EXOC2: variants seen among roughly 807,000 people sequenced by gnomAD.
The protein encoded by EXOC2 is SEC5-like 1.
In EXOC2, 70 loss-of-function variants were observed where a neutral mutation model predicts 131.8. The observed-to-expected ratio is 0.53, with a 90% CI of 0.44 to 0.65. The LOEUF (loss-of-function observed/expected upper bound fraction) is 0.65. Among genes scored for constraint, EXOC2 ranks in the 30% least tolerant of loss-of-function variants. The pLI, the probability that EXOC2 is intolerant of heterozygous loss-of-function variation, is 0.00. For synonymous variants in EXOC2, 411 were observed against 398.4 expected (o/e 1.03, Z -0.38); for missense variants, 923 against 1,108.6 (o/e 0.83, Z 2.38).
chr6:544,579 T>G (rs889590558), intron 22 of EXOC2, among the ~76,000 whole-genome samples: 11 of 152,114 alleles, frequency 7.2e-5, no homozygotes, highest in African/African-American at 2.7e-4. Flanking sequence ...ACAAGGAAAA[T>G]GAAACACATA....
intron 11 of EXOC2, among the ~76,000 whole-genome samples, chr6:583,664 T>C (rs1759038849): frequency 1.3e-5 from 2 of 152,344 alleles, no homozygotes; most frequent in South Asian, 4.1e-4. Flanking sequence ...TCTCACTGTG[T>C]GCACATACGC....
rs1761129247 is a variant in EXOC2, at chr6:618,578, GA to G, written c.537-744del. 2.0e-5 allele frequency among the ~76,000 whole-genome samples: 3 copies of G among 152,132 alleles called. No individual in the cohort carries two copies. In the South Asian group the frequency reaches 6.2e-4, roughly 31 times the overall value. ...TAAAATCAGAATCATCTTCTACAAT[GA>G]AAAAATTCATCTTGGACATTTGCTT... On this transcript the variant is annotated intron_variant, in intron 5 of 27. Coordinates refer to ENST00000230449, the MANE Select transcript of EXOC2 (RefSeq NM_018303.6).
chr6:624,370 C>A (rs2127689964), intron 4 of EXOC2, among the ~76,000 whole-genome samples: 1 of 152,324 alleles, frequency 6.6e-6, no homozygotes, highest in Non-Finnish European at 1.5e-5. Flanking sequence ...GATCACCATA[C>A]CTTCCTCTTA....
intron 27 of EXOC2, among the ~76,000 whole-genome samples, chr6:488,640 A>C (rs183587720): frequency 6.6e-6 from 1 of 152,094 alleles, no homozygotes; most frequent in African/African-American, 2.4e-5. Flanking sequence ...TTTTTCCATT[A>C]CTTCTTATGT....
chr6:525,662 A>T (rs1581367381), intron 23 of EXOC2: 1 of 152,224 alleles, frequency 6.6e-6, no homozygotes, highest in East Asian at 1.9e-4. Context: ...ATAAAAATAC[A>T]TCTATTCTGC....
intron 27 of EXOC2, among the ~76,000 whole-genome samples, chr6:488,471 A>G (rs1450192941): frequency 3.3e-5 from 5 of 152,208 alleles, no homozygotes; most frequent in Non-Finnish European, 7.3e-5. Context: ...AGTGTGGTCT[A>G]ATGAAATATA....
intron 22 of EXOC2, 48 bp downstream of exon 22, chr6:549,126 CT>C (rs888620757): frequency 1.3e-6 from 2 of 1,491,358 alleles, no homozygotes; most frequent in African/African-American, 2.8e-5. Flanking sequence ...AGCTTGAAAA[CT>C]GAGCTGGTAA....
chr6:577,029 A>G, intron 11 of EXOC2, 147 bp from the exon 12 acceptor site: 4 of 711,176 alleles, frequency 5.6e-6, no homozygotes, highest in Non-Finnish European at 6.2e-6. Flanking sequence ...AATAAAAAGT[A>G]TTTTCTCTAA....
intron 10 of EXOC2, among the ~76,000 whole-genome samples, 176 bp downstream of exon 10, chr6:597,845 T>C (rs977708081): frequency 1.5e-4 from 23 of 152,228 alleles, no homozygotes; most frequent in Admixed American, 1.3e-4. Flanking sequence ...AATCTATTAG[T>C]ATTCAAAAGA....
intron 1 of EXOC2, among the ~76,000 whole-genome samples, chr6:658,670 T>TATATATATA (rs1332684843): frequency 7.3e-6 from 1 of 137,156 alleles, no homozygotes. Context: ...TATATATTTT[T>TATATATATA]TTTTTTTTTA....
intron 1 of EXOC2, among the ~76,000 whole-genome samples, chr6:692,451 C>CA (rs1199142021): frequency 2.0e-5 from 3 of 152,222 alleles, no homozygotes; most frequent in Admixed American, 6.5e-5. Flanking sequence ...GCTCTTTGCT[C>CA]AAGCACTCTG....
intron 22 of EXOC2, among the ~76,000 whole-genome samples, chr6:537,186 G>A (rs1766494660): frequency 6.6e-6 from 1 of 152,066 alleles, no homozygotes; most frequent in African/African-American, 2.4e-5. Context: ...GTTGACGACC[G>A]ACGGAGCGTA....
At chr6:587,617 C>T (rs1028237082) in intron 11 of EXOC2, among the ~76,000 whole-genome samples, 3 of 152,296 alleles carry the variant, frequency 2.0e-5, no homozygotes, top group African/African-American at 7.2e-5. Flanking sequence ...TACAGAAAAA[C>T]ACCGACATGC....
At chr6:496,321 A>T (rs1228096222) in intron 25 of EXOC2, among the ~76,000 whole-genome samples, 1 of 152,204 alleles carries the variant, frequency 6.6e-6, no homozygotes, top group Non-Finnish European at 1.5e-5. Flanking sequence ...GAGACTCTGG[A>T]TTCTGTAATA....
intron 22 of EXOC2, 21 bp from the exon 23 acceptor site, chr6:532,631 G>A: frequency 6.8e-7 from 1 of 1,464,756 alleles, no homozygotes. Flanking sequence ...ATAATGAAGA[G>A]TATGAGTTGC....
intron 13 of EXOC2, among the ~76,000 whole-genome samples, chr6:567,226 C>T (rs893068547): frequency 6.6e-6 from 1 of 152,210 alleles, no homozygotes; most frequent in African/African-American, 2.4e-5. Flanking sequence ...AGCCCTCCCA[C>T]TGCTCAGGAC....
chr6:649,613 G>A (rs900727782), intron 1 of EXOC2, among the ~76,000 whole-genome samples: 5 of 152,220 alleles, frequency 3.3e-5, no homozygotes, highest in African/African-American at 1.2e-4. Flanking sequence ...CCAGAACTAG[G>A]AGGGTCCTTA....
intron 23 of EXOC2, among the ~76,000 whole-genome samples, chr6:514,548 G>A (rs762343798): frequency 1.3e-4 from 20 of 152,164 alleles, no homozygotes; most frequent in South Asian, 2.1e-4. Context: ...AAATCCATGC[G>A]CTGCTCCCAC....
rs1441026612 is a variant in EXOC2 at position 485,591 on chromosome 6, A to C, written c.*1080T>G. On this transcript the variant is annotated 3_prime_UTR_variant, in exon 28 of 28. Transcript: ENST00000230449. Reference sequence around the variant, plus strand: ...TATGAGGGAGTTGGGTGGGCCGCTGACTCTGAGAGAAGTCCCGGTGACCTG... The same window carrying C: ...TATGAGGGAGTTGGGTGGGCCGCTGCCTCTGAGAGAAGTCCCGGTGACCTG... The C allele has an allele frequency of 6.6e-6, 1 of 152,196 alleles. No individual in the cohort carries two copies. Among genetic ancestry groups the C allele is most frequent in the Non-Finnish European group, 1.5e-5 (1 of 68,032 alleles). 9.4% of individuals were successfully genotyped at this position (152,196 alleles called of 1,614,324 possible).
Sources: gnomAD v4.1 joint callset for allele counts (sites outside exome capture counted in the v4.1 genomes callset) on GRCh38, gnomAD v4.1.1 for gene constraint, MANE v1.5 for transcripts, NCBI Gene and HGNC (gene_info 2026-07-23, HGNC 2026-07-21) for gene names.